EYS: variants seen among roughly 807,000 people sequenced by gnomAD.
EYS encodes EGF-like photoreceptor maintenance factor.
Under a neutral mutation model 282.1 loss-of-function variants are expected in EYS, and 250 were observed. That is an observed-to-expected ratio of 0.89 (90% confidence interval 0.80 to 0.98). The LOEUF (loss-of-function observed/expected upper bound fraction) is 0.98, where lower values mean the gene tolerates loss of function less well. EYS is among the 50% of genes least tolerant of loss of function. The pLI is 0.00. For missense variants in EYS, 4,016 were observed against 3,709.0 expected (o/e 1.08, Z -2.15); for synonymous variants, 1,355 against 1,282.9 (o/e 1.06, Z -1.20).
At chr6:64,965,019 G>T (rs972880624) in intron 14 of EYS, among the ~76,000 whole-genome samples, 1 of 152,006 alleles carries the variant, frequency 6.6e-6, no homozygotes, top group East Asian at 1.9e-4. Flanking sequence ...ATGACAGAGT[G>T]AGACTCCATC....
chr6:64,612,013 C>T (rs907182990), intron 24 of EYS, among the ~76,000 whole-genome samples: 4 of 151,978 alleles, frequency 2.6e-5, no homozygotes, highest in African/African-American at 9.7e-5. Flanking sequence ...ATATTGATGA[C>T]TTTATCACAT....
chr6:64,321,383 G>A (rs1414980495), intron 29 of EYS, among the ~76,000 whole-genome samples: 1 of 151,618 alleles, frequency 6.6e-6, no homozygotes. Flanking sequence ...ATTAGTACCA[G>A]CTTCAAAATG....
At chr6:64,633,085 A>T (rs974929727) in intron 22 of EYS, among the ~76,000 whole-genome samples, 1 of 152,132 alleles carries the variant, frequency 6.6e-6, no homozygotes, top group Non-Finnish European at 1.5e-5. Context: ...TTAATTTAAC[A>T]TTTTTACTTT....
At chr6:64,713,872 G>A (rs1247693928) in intron 22 of EYS, among the ~76,000 whole-genome samples, 1 of 152,140 alleles carries the variant, frequency 6.6e-6, no homozygotes, top group African/African-American at 2.4e-5. Context: ...CTTTGGCAAA[G>A]CTCCATGAAA....
At chr6:64,716,557 A>G (rs1169114684) in intron 22 of EYS, among the ~76,000 whole-genome samples, 1 of 152,230 alleles carries the variant, frequency 6.6e-6, no homozygotes, top group Non-Finnish European at 1.5e-5. Flanking sequence ...TCTAGCTGAA[A>G]GAGGAAGACG....
intron 31 of EYS, among the ~76,000 whole-genome samples, chr6:64,214,094 A>T (rs1765860567): frequency 6.6e-6 from 1 of 152,158 alleles, no homozygotes; most frequent in Non-Finnish European, 1.5e-5. Flanking sequence ...ACAGATCTTA[A>T]GTTTTAACCT....
chr6:65,697,697 T>TAC (rs371168749), intron 1 of EYS, among the ~76,000 whole-genome samples: 2 of 151,674 alleles, frequency 1.3e-5, no homozygotes, highest in East Asian at 1.9e-4. Flanking sequence ...CTAATCTAAA[T>TAC]AGAAAGAGCC....
At chr6:65,096,056 C>G (rs1163302052) in intron 12 of EYS, among the ~76,000 whole-genome samples, 2 of 150,792 alleles carry the variant, frequency 1.3e-5, no homozygotes, top group Non-Finnish European at 3.0e-5. Context: ...CCCTAATGAT[C>G]CCCCAAAAAT....
chr6:65,475,778 C>CACACAG (rs1266747666), intron 5 of EYS, among the ~76,000 whole-genome samples: 3 of 151,192 alleles, frequency 2.0e-5, no homozygotes, highest in Non-Finnish European at 3.0e-5. Flanking sequence ...CACACACACA[C>CACACAG]AGAGACAGAG....
chr6:64,219,603 C>T (rs938770968), intron 31 of EYS, among the ~76,000 whole-genome samples: 7 of 152,164 alleles, frequency 4.6e-5, no homozygotes, highest in Non-Finnish European at 1.0e-4. Flanking sequence ...CCTGAGGAAT[C>T]GCCACACTGA....
chr6:64,627,200 G>A (rs964392334), intron 22 of EYS, among the ~76,000 whole-genome samples: 5 of 152,184 alleles, frequency 3.3e-5, no homozygotes, highest in Non-Finnish European at 4.4e-5. Context: ...AAAACTCTGT[G>A]TCTGCCTTCA....
intron 15 of EYS, among the ~76,000 whole-genome samples, chr6:64,930,708 GA>G (rs71553505): frequency 1.3e-5 from 2 of 151,958 alleles, no homozygotes; most frequent in African/African-American, 4.8e-5. Context: ...ACAAACTAAG[GA>G]AAAAAATGCT....
chr6:65,590,313 T>A (rs550541160), intron 2 of EYS, among the ~76,000 whole-genome samples: 8 of 152,050 alleles, frequency 5.3e-5, no homozygotes, highest in African/African-American at 1.9e-4. Flanking sequence ...ACAATACACA[T>A]AGACATATCA....
intron 14 of EYS, among the ~76,000 whole-genome samples, chr6:64,970,196 T>C (rs1049383731): frequency 4.6e-5 from 7 of 151,128 alleles, no homozygotes; most frequent in Admixed American, 4.6e-4. Context: ...ATGCATAAAG[T>C]GTATGTAGAT....
chr6:65,537,533 T>C (rs1483677965), intron 2 of EYS, among the ~76,000 whole-genome samples: 1 of 92,364 alleles, frequency 1.1e-5, no homozygotes, highest in South Asian at 5.5e-4. Flanking sequence ...CACACACATA[T>C]ATTTATATAT....
intron 22 of EYS, among the ~76,000 whole-genome samples, chr6:64,795,343 G>A (rs1190583198): frequency 8.9e-6 from 1 of 111,940 alleles, no homozygotes; most frequent in Non-Finnish European, 2.2e-5. Context: ...AGAAACGCAA[G>A]ATGAAGTGGG....
rs1426166944 is a variant in EYS at position 64,590,776 on chromosome 6, GT to G, written c.5090del (p.Asn1697ThrfsTer3). 1 of 1,550,194 alleles carries G rather than the reference GT, an allele frequency of 6.5e-7. No individual in the cohort carries two copies. The highest frequency in any genetic ancestry group is 8.7e-7 in the Non-Finnish European group (1 of 1,146,068). ...MTTDELSVSENILKLLKIRQY... is the reference protein window; with the variant it reads ...MTTDELSVSEXILKLLKIRQY... ...GTCTTATTTTCAATAGTTTTAAAAT[GT>G]TTTCTGATACTGACAGTTCATCAGT... is the stretch of plus-strand genomic sequence containing the variant. On this transcript the variant is annotated frameshift_variant, in exon 26 of 43. Transcript: ENST00000503581. LOFTEE classifies it high-confidence loss of function.
At chr6:64,142,532 T>G (rs1251200963) in intron 31 of EYS, among the ~76,000 whole-genome samples, 2 of 152,008 alleles carry the variant, frequency 1.3e-5, no homozygotes, top group Non-Finnish European at 2.9e-5. Flanking sequence ...AAACGAGAAG[T>G]ATTTAAGAAT....
chr6:64,677,331 A>T (rs6909124), intron 22 of EYS, among the ~76,000 whole-genome samples: 4,223 of 152,150 alleles, frequency 0.028, 212 homozygotes, highest in African/African-American at 0.096. Flanking sequence ...CTGGTTTTTT[A>T]AAAAAACGCA....
Sources: gnomAD v4.1 joint callset for allele counts (sites outside exome capture counted in the v4.1 genomes callset) on GRCh38, gnomAD v4.1.1 for gene constraint, MANE v1.5 for transcripts, NCBI Gene and HGNC (gene_info 2026-07-23, HGNC 2026-07-21) for gene names.